Variants in RSU1 observed in about 807,000 individuals in gnomAD.
RSU1 encodes Ras suppressor protein 1.
RSU1 carries 26 observed loss-of-function variants against 31.1 expected under a neutral mutation model. The ratio of observed to expected loss-of-function variants is 0.84; its 90% CI spans 0.61 to 1.16. The LOEUF (loss-of-function observed/expected upper bound fraction) is 1.16. Among genes scored for constraint, RSU1 ranks in the 50% most tolerant of loss-of-function variants. The pLI, the probability that RSU1 is intolerant of heterozygous loss-of-function variation, is 0.00. For synonymous variants in RSU1, 164 were observed against 136.3 expected (o/e 1.20, Z -1.41); for missense variants, 320 against 339.1 (o/e 0.94, Z 0.44).
chr10:16,609,366 G>A (rs1385547753), intron 8 of RSU1, among the ~76,000 whole-genome samples: 1 of 152,202 alleles, frequency 6.6e-6, no homozygotes, highest in Admixed American at 6.5e-5. Context: ...CAAAACTGTG[G>A]CTGTGGGTGG....
intron 8 of RSU1, among the ~76,000 whole-genome samples, chr10:16,639,898 G>C (rs1364972156): frequency 1.3e-5 from 2 of 152,176 alleles, no homozygotes; most frequent in African/African-American, 4.8e-5. Flanking sequence ...TATCTCACCA[G>C]CGAGCTTCAA....
At chr10:16,600,652 G>C (rs116832364) in intron 8 of RSU1, among the ~76,000 whole-genome samples, 113 of 151,258 alleles carry the variant, frequency 7.5e-4, no homozygotes, top group African/African-American at 2.6e-3. Flanking sequence ...AGCATTGACC[G>C]CTGTGCTCAA....
intron 7 of RSU1, among the ~76,000 whole-genome samples, chr10:16,724,816 CAG>C (rs1326271872): frequency 1.3e-5 from 2 of 152,218 alleles, no homozygotes; most frequent in Admixed American, 1.3e-4. Flanking sequence ...GGCTGACACA[CAG>C]ATAATTCACA....
chr10:16,752,412 G>T (rs1836996993), intron 7 of RSU1, 127 bp downstream of exon 7: 1 of 694,420 alleles, frequency 1.4e-6, no homozygotes, highest in Non-Finnish European at 2.5e-6. Context: ...GTTCTCAAAT[G>T]ATCAGCATCG....
chr10:16,796,930 T>C (rs570120896), intron 2 of RSU1, among the ~76,000 whole-genome samples: 10 of 152,276 alleles, frequency 6.6e-5, no homozygotes, highest in Non-Finnish European at 1.2e-4. Flanking sequence ...TCAGCATGCA[T>C]GTGACGAAAG....
chr10:16,689,573 C>A (rs1340000553), intron 8 of RSU1, among the ~76,000 whole-genome samples: 1 of 152,140 alleles, frequency 6.6e-6, no homozygotes, highest in Non-Finnish European at 1.5e-5. Context: ...AAAACAATAA[C>A]CAACAGCCAA....
intron 7 of RSU1, among the ~76,000 whole-genome samples, chr10:16,746,672 T>A (rs1463334264): frequency 8.8e-6 from 1 of 114,246 alleles, no homozygotes; most frequent in African/African-American, 3.8e-5. Flanking sequence ...TCACTTTTTT[T>A]TTTTTTTTTT....
intron 2 of RSU1, among the ~76,000 whole-genome samples, chr10:16,800,018 A>G (rs1303124221): frequency 3.3e-5 from 5 of 152,190 alleles, no homozygotes; most frequent in Non-Finnish European, 7.3e-5. Context: ...AGGCTCACAC[A>G]GTATTTAAGG....
rs6977 is a variant in RSU1 at position 16,593,101 on chromosome 10, A to G, written c.*293T>C. ...TTTTGATAATAAGCAACCTTGTGAT[A>G]TCTATTCAAGAAAAGCCAGAGCCCA... On this transcript the variant is annotated 3_prime_UTR_variant, in exon 9 of 9. Coordinates refer to ENST00000345264, the MANE Select transcript of RSU1 (RefSeq NM_012425.4). The G allele has an allele frequency of 0.13, 37,084 of 280,584 alleles. 9,198 individuals carry two copies. The highest frequency in any genetic ancestry group is 0.62 in the African/African-American group (28,314 of 46,002). 17.4% of individuals were successfully genotyped at this position (280,584 alleles called of 1,614,324 possible).
At chr10:16,633,649 CA>C (rs1834293222) in intron 8 of RSU1, among the ~76,000 whole-genome samples, 1 of 152,104 alleles carries the variant, frequency 6.6e-6, no homozygotes, top group South Asian at 2.1e-4. Flanking sequence ...AAGCAGGGGC[CA>C]GACGACAACC....
At chr10:16,610,198 T>G (rs1343738315) in intron 8 of RSU1, among the ~76,000 whole-genome samples, 1 of 151,468 alleles carries the variant, frequency 6.6e-6, no homozygotes, top group Non-Finnish European at 1.5e-5. Context: ...ATTTTAGAGT[T>G]AGAGCACACT....
chr10:16,604,294 C>T (rs929400592), intron 8 of RSU1, among the ~76,000 whole-genome samples: 53 of 152,278 alleles, frequency 3.5e-4, no homozygotes, highest in African/African-American at 1.1e-3. Flanking sequence ...CAGACCAGTG[C>T]GCCTCGACTA....
At chr10:16,708,463 TTAAATC>T (rs1291758524) in intron 7 of RSU1, among the ~76,000 whole-genome samples, 6 of 152,182 alleles carry the variant, frequency 3.9e-5, no homozygotes, top group African/African-American at 1.4e-4. Context: ...CCTGCACAGT[TTAAATC>T]TAAGTTCTTT....
chr10:16,702,171 A>G (rs1204107532), intron 7 of RSU1, among the ~76,000 whole-genome samples: 1 of 152,246 alleles, frequency 6.6e-6, no homozygotes, highest in Non-Finnish European at 1.5e-5. Context: ...CCTAGATTTC[A>G]GAGAATGTAG....
chr10:16,631,200 AG>A (rs1200987757), intron 8 of RSU1, among the ~76,000 whole-genome samples: 3 of 152,244 alleles, frequency 2.0e-5, no homozygotes, highest in African/African-American at 7.2e-5. Context: ...CACGTTCCAC[AG>A]GAGAGATGTG....
chr10:16,723,423 A>G (rs180863693), intron 7 of RSU1, among the ~76,000 whole-genome samples: 105 of 152,292 alleles, frequency 6.9e-4, no homozygotes, highest in Non-Finnish European at 2.2e-4. Flanking sequence ...CAAATTATAC[A>G]CATTATACAC....
At chr10:16,710,484 G>A (rs2356376) in intron 7 of RSU1, among the ~76,000 whole-genome samples, 107,947 of 151,906 alleles carry the variant, frequency 0.71, 38,849 homozygotes, top group African/African-American at 0.82. Flanking sequence ...TTGTTGTATC[G>A]TTGTCTGGTT....
chr10:16,789,758 G>T (rs1023991375), intron 2 of RSU1, among the ~76,000 whole-genome samples: 3 of 152,162 alleles, frequency 2.0e-5, no homozygotes, highest in African/African-American at 4.8e-5. Context: ...TAATGCTCCT[G>T]CTAACCAGAC....
intron 7 of RSU1, chr10:16,726,909 A>C (rs758925406): frequency 2.6e-6 from 1 of 380,504 alleles, no homozygotes; most frequent in Non-Finnish European, 5.3e-6. Flanking sequence ...CACCATGCAG[A>C]AGGGCGTTGC....
Sources: allele counts gnomAD v4.1 joint callset (sites outside exome capture counted in the v4.1 genomes callset), GRCh38; gene constraint gnomAD v4.1.1; transcripts MANE v1.5; gene names NCBI Gene and HGNC (gene_info 2026-07-23, HGNC 2026-07-21).